CASD1: variants seen among roughly 807,000 people sequenced by gnomAD.
The protein encoded by CASD1 is CAS1 domain sialic acid O acetyltransferase 1.
In CASD1, 41 loss-of-function variants were observed where a neutral mutation model predicts 100.0. The ratio of observed to expected loss-of-function variants is 0.41; its 90% CI spans 0.32 to 0.53. The LOEUF is 0.53. Among genes scored for constraint, CASD1 ranks in the 20% least tolerant of loss-of-function variants. The pLI is 0.25. For synonymous variants in CASD1, 321 were observed against 315.6 expected (o/e 1.02, Z -0.18); for missense variants, 774 against 948.7 (o/e 0.82, Z 2.42).
At chr7:94,547,706 C>G (rs1354806772) in intron 13 of CASD1, among the ~76,000 whole-genome samples, 4 of 151,514 alleles carry the variant, frequency 2.6e-5, no homozygotes, top group African/African-American at 2.4e-5. Context: ...TTGAGATTTT[C>G]TGTTATTTTA....
chr7:94,591,503 A>G, the CASD1 span, among the ~76,000 whole-genome samples: 5 of 152,324 alleles, frequency 3.3e-5, no homozygotes, highest in Admixed American at 6.5e-5. Flanking sequence ...TAAAGAAAAT[A>G]TAGAATGTAG....
chr7:94,566,807 G>A, the CASD1 span, among the ~76,000 whole-genome samples: 1 of 152,038 alleles, frequency 6.6e-6, no homozygotes, highest in South Asian at 2.1e-4. Context: ...AGAAATCTGG[G>A]CCCTCAATTG....
the CASD1 span, among the ~76,000 whole-genome samples, chr7:94,575,088 G>C: frequency 1.3e-5 from 2 of 152,074 alleles, no homozygotes; most frequent in African/African-American, 4.8e-5. Context: ...TCTTCTGCTA[G>C]CTTTGGGGTT....
the CASD1 span, among the ~76,000 whole-genome samples, chr7:94,577,291 C>T: frequency 6.6e-6 from 1 of 152,214 alleles, no homozygotes; most frequent in East Asian, 1.9e-4. Flanking sequence ...GATTATCCTC[C>T]CCACTTCTGC....
chr7:94,625,077 G>A, the CASD1 span: 1 of 151,912 alleles, frequency 6.6e-6, no homozygotes, highest in Non-Finnish European at 1.5e-5. Flanking sequence ...GACCGTCAAA[G>A]CAGAAGAAAA....
At chr7:94,587,642 A>G in the CASD1 span, 1 of 1,459,638 alleles carries the variant, frequency 6.9e-7, no homozygotes, top group Non-Finnish European at 9.0e-7. Context: ...ACAAAGTAGC[A>G]CCAACACATC....
At chr7:94,548,227 T>C (rs1338306217) in intron 13 of CASD1, among the ~76,000 whole-genome samples, 1 of 151,860 alleles carries the variant, frequency 6.6e-6, no homozygotes, top group African/African-American at 2.4e-5. Flanking sequence ...TGTTGACCCC[T>C]GGACAAGAAC....
At chr7:94,603,718 C>T in the CASD1 span, among the ~76,000 whole-genome samples, 2 of 152,012 alleles carry the variant, frequency 1.3e-5, no homozygotes, top group African/African-American at 4.8e-5. Flanking sequence ...TATTTCATCC[C>T]ATTTATTTTC....
Position 94,539,047 on chromosome 7 carries a change from A to G in CASD1, c.1347A>G (p.Gly449=), listed in dbSNP as rs1795255328. Residue 449 remains glycine, a synonymous_variant, in exon 10 of 18, where the codon GGA becomes GGG. Coordinates refer to ENST00000297273, the MANE Select transcript of CASD1 (RefSeq NM_022900.5). ...TGATTTTGATTTATCACATTTCTGG[A>G]GCAAGTACAGTAAGTATTTGGAATT... ...QLVILIYHIS[G]ASTFLPVYMH... is the part of the protein sequence containing the mutation. 2 of 1,586,954 alleles carry G rather than the reference A, an allele frequency of 1.3e-6. No individual in the cohort carries two copies. Among genetic ancestry groups the G allele is most frequent in the African/African-American group, 2.7e-5 (2 of 74,350 alleles).
the CASD1 span, among the ~76,000 whole-genome samples, chr7:94,614,213 A>C: frequency 2.0e-5 from 3 of 151,962 alleles, no homozygotes; most frequent in Non-Finnish European, 4.4e-5. Context: ...ATTGGCACTA[A>C]ATTCTAAAAG....
chr7:94,510,035 C>A lies in CASD1; in HGVS notation c.-50C>A. Reference sequence around the variant, plus strand: ...CGGCAGCCCCAGTGCTGCCCCTGTGCGGCGCCCCTTTCCCGCTCCGCCGCG... The same window carrying A: ...CGGCAGCCCCAGTGCTGCCCCTGTGAGGCGCCCCTTTCCCGCTCCGCCGCG... On this transcript the variant is annotated 5_prime_UTR_variant, in exon 1 of 18. Transcript: ENST00000297273. 1 of 1,459,980 alleles carries A rather than the reference C, an allele frequency of 6.8e-7. No individual in the cohort carries two copies. The highest frequency in any genetic ancestry group is 2.3e-5 in the Admixed American group (1 of 43,838). The allele number at this position is 1,459,980 out of a possible 1,614,324, so 90.4% of individuals were successfully genotyped here.
rs150398210 is a variant in CASD1 at position 94,517,855 on chromosome 7, G to A, written c.230+199G>A. ...CTTTGGCCAATCTGCTTTATCTCAG[G>A]TGTGTGATAACTAGGCCTAAGGCAA... On this transcript the variant is annotated intron_variant, in intron 2 of 17. Coordinates refer to ENST00000297273, the MANE Select transcript of CASD1 (RefSeq NM_022900.5). Among the ~76,000 whole-genome samples the A allele has an allele frequency of 0.016, 2,375 of 152,260 alleles. 34 individuals carry two copies. Among genetic ancestry groups the A allele is most frequent in the Middle Eastern group, 0.027 (8 of 294 alleles).
At chr7:94,610,440 G>A in the CASD1 span, among the ~76,000 whole-genome samples, 1 of 152,048 alleles carries the variant, frequency 6.6e-6, no homozygotes, top group Non-Finnish European at 1.5e-5. Flanking sequence ...AATGGGGGAG[G>A]CGATGCAAAA....
intron 17 of CASD1, 35 bp downstream of exon 17, chr7:94,554,610 C>T (rs748022681): frequency 7.4e-7 from 1 of 1,347,760 alleles, no homozygotes; most frequent in East Asian, 2.3e-5. Flanking sequence ...TCTTACACAG[C>T]CAGGTGTTTC....
At chr7:94,580,371 C>T in the CASD1 span, among the ~76,000 whole-genome samples, 1 of 152,124 alleles carries the variant, frequency 6.6e-6, no homozygotes, top group Non-Finnish European at 1.5e-5. Flanking sequence ...TAATGGAACT[C>T]TAGACTCACT....
chr7:94,633,275 C>T, the CASD1 span, among the ~76,000 whole-genome samples: 1 of 151,808 alleles, frequency 6.6e-6, no homozygotes, highest in South Asian at 2.1e-4. Context: ...AAGTCCAACC[C>T]GCAAGAGGTC....
At position 94,509,839 on chromosome 7, in the gene CASD1, G is replaced by T; in HGVS notation, c.-246G>T. The T allele has an allele frequency of 1.0e-6, 1 of 1,004,492 alleles. No individual in the cohort carries two copies. Among genetic ancestry groups the T allele is most frequent in the Non-Finnish European group, 1.2e-6 (1 of 842,944 alleles). 62.2% of individuals were successfully genotyped at this position (1,004,492 alleles called of 1,614,324 possible). On this transcript the variant is annotated 5_prime_UTR_variant, in exon 1 of 18. Coordinates refer to ENST00000297273, the MANE Select transcript of CASD1 (RefSeq NM_022900.5). ...AGGCGTCCAGGGCGCCTGGGGAACCGGCACGGCGGAGCAGCGGCGGCGGGG... is the reference window on the plus strand; with the variant it reads ...AGGCGTCCAGGGCGCCTGGGGAACCTGCACGGCGGAGCAGCGGCGGCGGGG...
chr7:94,510,087 G>GGCGGCTCTGGCCT lies in CASD1; in HGVS notation c.4_16dup (p.Tyr6CysfsTer46). On this transcript the variant is annotated frameshift_variant, in exon 1 of 18. Transcript: ENST00000297273. LOFTEE classifies it high-confidence loss of function. ...ACTGTTGTCATGGAGGAACCAAGAT[G>GGCGGCTCTGGCCT]GCGGCTCTGGCCTACAACCTGGGCA... The GGCGGCTCTGGCCT allele has an allele frequency of 6.6e-7, 1 of 1,519,556 alleles. No individual in the cohort carries two copies. Among genetic ancestry groups the GGCGGCTCTGGCCT allele is most frequent in the Non-Finnish European group, 8.8e-7 (1 of 1,131,548 alleles). 94.1% of individuals were successfully genotyped at this position (1,519,556 alleles called of 1,614,324 possible). A position where few individuals can be genotyped will look rare whatever the true frequency, so the allele number is the denominator to read the frequency against.
At chr7:94,555,070 T>C (rs886077174) in intron 17 of CASD1, among the ~76,000 whole-genome samples, 3 of 152,132 alleles carry the variant, frequency 2.0e-5, no homozygotes, top group Non-Finnish European at 4.4e-5. Context: ...TATGAAATTA[T>C]CTACAAAATC....
Sources: gnomAD v4.1 joint callset for allele counts (sites outside exome capture counted in the v4.1 genomes callset) on GRCh38, gnomAD v4.1.1 for gene constraint, MANE v1.5 for transcripts, NCBI Gene and HGNC (gene_info 2026-07-23, HGNC 2026-07-21) for gene names.